The following NBPF3 variants were observed in gnomAD, a reference collection of about 807,000 sequenced individuals.
The protein encoded by NBPF3 is NBPF member 3, also known as NBPF family member NBPF3.
NBPF3 carries 57 observed loss-of-function variants against 78.1 expected under a neutral mutation model. The observed-to-expected ratio is 0.73, with a 90% CI of 0.59 to 0.91. The LOEUF (loss-of-function observed/expected upper bound fraction) is 0.91. Ranked by LOEUF, NBPF3 falls within the 40% of genes least tolerant of loss-of-function variation. The pLI is 0.00. For missense variants in NBPF3, 510 were observed against 715.3 expected, an observed-to-expected ratio of 0.71 and a Z score of 3.27; for synonymous variants, 182 against 271.7, an observed-to-expected ratio of 0.67 and a Z score of 3.25.
chr1:21,483,109 C>T (rs375027727), intron 14 of NBPF3, 34 bp from the exon 15 acceptor site: 1 of 1,612,180 alleles, frequency 6.2e-7, no homozygotes, highest in Non-Finnish European at 8.5e-7. Flanking sequence ...CTGATTTTCC[C>T]TGGCTGCTTC....
At chr1:21,447,973 C>T (rs1410308216) in intron 2 of NBPF3, among the ~76,000 whole-genome samples, 1 of 152,096 alleles carries the variant, frequency 6.6e-6, no homozygotes, top group African/African-American at 2.4e-5. Context: ...TCAGATCTTT[C>T]ACCTATTTTT....
chr1:21,441,536 A>G (rs200116597), intron 1 of NBPF3, among the ~76,000 whole-genome samples: 1 of 151,986 alleles, frequency 6.6e-6, no homozygotes, highest in Non-Finnish European at 1.5e-5. Flanking sequence ...GCAAAACCCT[A>G]TCTCTACTAA....
intron 2 of NBPF3, among the ~76,000 whole-genome samples, chr1:21,447,712 C>T (rs1413592121): frequency 6.6e-6 from 1 of 152,212 alleles, no homozygotes; most frequent in Admixed American, 6.5e-5. Flanking sequence ...GCTGTAAGTA[C>T]TTCTGTGCAG....
chr1:21,439,151 C>A (rs185102834), upstream of NBPF3, among the ~76,000 whole-genome samples: 5 of 152,106 alleles, frequency 3.3e-5, no homozygotes, highest in Non-Finnish European at 7.4e-5. Context: ...TGGTGGCACA[C>A]GCCTGTAGTC....
chr1:21,467,634 A>C (rs1457538732), intron 2 of NBPF3, among the ~76,000 whole-genome samples: 4 of 152,244 alleles, frequency 2.6e-5, no homozygotes, highest in African/African-American at 7.2e-5. Flanking sequence ...TCTTTTCAGT[A>C]TATGGGAAAA....
chr1:21,478,962 C>T (rs1026216178), intron 9 of NBPF3, among the ~76,000 whole-genome samples: 2 of 152,238 alleles, frequency 1.3e-5, no homozygotes, highest in Non-Finnish European at 2.9e-5. Flanking sequence ...TCCATCAAAT[C>T]TCAGTGTCCA....
At chr1:21,461,893 G>A (rs57758429) in intron 2 of NBPF3, among the ~76,000 whole-genome samples, 1 of 152,188 alleles carries the variant, frequency 6.6e-6, no homozygotes, top group East Asian at 1.9e-4. Context: ...GGGGGTAAAT[G>A]GGAGGTGTTT....
chr1:21,464,265 T>C (rs905049339), intron 2 of NBPF3, among the ~76,000 whole-genome samples: 5 of 152,180 alleles, frequency 3.3e-5, no homozygotes, highest in African/African-American at 1.2e-4. Context: ...TATAACCATA[T>C]AGTGGAATAT....
intron 2 of NBPF3, among the ~76,000 whole-genome samples, chr1:21,446,878 A>G (rs1641019476): frequency 6.6e-6 from 1 of 152,064 alleles, no homozygotes. Flanking sequence ...TCTCCTTACC[A>G]GAAACCTGCA....
intron 8 of NBPF3, among the ~76,000 whole-genome samples, chr1:21,477,010 C>T (rs1161273992): frequency 6.6e-6 from 1 of 152,198 alleles, no homozygotes; most frequent in Non-Finnish European, 1.5e-5. Flanking sequence ...GCTCTTCTCA[C>T]TTCATTTCAT....
chr1:21,464,508 T>C (rs750203695), intron 2 of NBPF3, among the ~76,000 whole-genome samples: 28 of 152,142 alleles, frequency 1.8e-4, no homozygotes, highest in Non-Finnish European at 3.8e-4. Flanking sequence ...TTTGGCATTA[T>C]GAAAATATTC....
rs189858022 is a variant in NBPF3 at position 21,466,268 on chromosome 1, A to G, written c.134-2420A>G. 1,279 of 190,956 alleles carry G rather than the reference A, an allele frequency of 6.7e-3. 14 individuals are homozygous for G. The highest frequency in any genetic ancestry group is 8.8e-3 in the Non-Finnish European group (913 of 103,938). The allele number at this position is 190,956 out of a possible 1,614,324, so 11.8% of individuals were successfully genotyped here. On this transcript the variant is annotated intron_variant, in intron 2 of 14. Transcript: ENST00000318249. ...GCTTCATCTTCAAAAATCCAAACTA[A>G]TAACACACTTGGCCTTATGAGAAAT...
chr1:21,437,978 C>T (rs1196687118), upstream of NBPF3, among the ~76,000 whole-genome samples: 1 of 152,094 alleles, frequency 6.6e-6, no homozygotes, highest in South Asian at 2.1e-4. Flanking sequence ...TGCACCAACA[C>T]CCCCGGCTAA....
intron 11 of NBPF3, 146 bp downstream of exon 11, chr1:21,480,369 G>A: frequency 2.1e-6 from 1 of 468,650 alleles, no homozygotes; most frequent in Non-Finnish European, 4.1e-6. Context: ...TAATGAAATT[G>A]TAGTTTCAGT....
intron 2 of NBPF3, among the ~76,000 whole-genome samples, chr1:21,447,614 G>A (rs377392587): frequency 5.3e-5 from 8 of 152,146 alleles, no homozygotes; most frequent in South Asian, 4.2e-4. Flanking sequence ...ATCATATTTC[G>A]TTGTATGGCT....
upstream of NBPF3, among the ~76,000 whole-genome samples, chr1:21,438,567 T>C (rs1055957098): frequency 1.3e-5 from 2 of 152,240 alleles, no homozygotes; most frequent in African/African-American, 4.8e-5. Flanking sequence ...TTTTGGAACA[T>C]GCTAAGTGCT....
intron 2 of NBPF3, chr1:21,453,532 G>A (rs1219343910): frequency 2.0e-5 from 3 of 152,272 alleles, no homozygotes; most frequent in Non-Finnish European, 4.4e-5. Context: ...CCTCCCCGCT[G>A]TCAGTGAGAA....
intron 6 of NBPF3, 75 bp downstream of exon 6, chr1:21,472,990 C>A: frequency 2.6e-6 from 3 of 1,150,100 alleles, no homozygotes; most frequent in Non-Finnish European, 3.9e-6. Context: ...CCCTCTCTGG[C>A]ATCTATGATG....
At chr1:21,441,880 T>C (rs1408471044) in intron 1 of NBPF3, among the ~76,000 whole-genome samples, 1 of 152,200 alleles carries the variant, frequency 6.6e-6, no homozygotes, top group Non-Finnish European at 1.5e-5. Context: ...AAAGTGGTTG[T>C]ACCATTTAGC....
Sources: allele counts gnomAD v4.1 joint callset (sites outside exome capture counted in the v4.1 genomes callset), GRCh38; gene constraint gnomAD v4.1.1; transcripts MANE v1.5; gene names NCBI Gene and HGNC (gene_info 2026-07-23, HGNC 2026-07-21).